NPHP4: variants seen among roughly 807,000 people sequenced by gnomAD.
NPHP4 encodes nephrocystin 4, also known as nephrocystin-4.
Under a neutral mutation model 155.8 loss-of-function variants are expected in NPHP4, and 151 were observed. The ratio of observed to expected loss-of-function variants is 0.97; its 90% CI spans 0.85 to 1.11. The LOEUF (loss-of-function observed/expected upper bound fraction) is 1.11, where lower values mean the gene tolerates loss of function less well. Among genes scored for constraint, NPHP4 ranks in the 50% least tolerant of loss-of-function variants. The pLI, the probability that NPHP4 is intolerant of heterozygous loss-of-function variation, is 0.00. For missense variants in NPHP4, 1,956 were observed against 1,925.7 expected (o/e 1.02, Z -0.29); for synonymous variants, 845 against 816.8 (o/e 1.03, Z -0.59).
At chr1:5,906,131 G>C (rs1030513185) in intron 13 of NPHP4, among the ~76,000 whole-genome samples, 1 of 152,216 alleles carries the variant, frequency 6.6e-6, no homozygotes, top group East Asian at 1.9e-4. Flanking sequence ...AGGACCGTGG[G>C]AGATACCTGA....
At chr1:5,917,842 G>C (rs1037620837) in intron 11 of NPHP4, among the ~76,000 whole-genome samples, 2 of 152,114 alleles carry the variant, frequency 1.3e-5, no homozygotes, top group Admixed American at 6.5e-5. Flanking sequence ...TAACCCGGGA[G>C]GGGGAGAAGT....
At position 5,969,181 on chromosome 1, in the gene NPHP4, C is replaced by A; in HGVS notation, c.358G>T (p.Asp120Tyr). The A allele has an allele frequency of 1.3e-6, 2 of 1,571,998 alleles. No individual in the cohort carries two copies. Among genetic ancestry groups the A allele is most frequent in the East Asian group, 4.7e-5 (2 of 42,640 alleles). ...VEVVAEGKKR[D>Y]GSLQTLSCGF... The stretch of plus-strand genomic sequence containing the variant: ...CAGGACAATGTCTGGAGGCTCCCAT[C>A]CCGTTTCTTGCCCTCAGCGACCACT... Residue 120 changes from aspartate to tyrosine, a missense_variant, in exon 4 of 30, where the codon GAT becomes TAT. Asp to Tyr is a radical substitution (Grantham distance 160). Transcript: ENST00000378156.
chr1:5,939,934 G>C (rs529298779), intron 9 of NPHP4, among the ~76,000 whole-genome samples: 1 of 152,312 alleles, frequency 6.6e-6, no homozygotes, highest in South Asian at 2.1e-4. Context: ...CACAGAAGGA[G>C]GGAAGAGGAC....
chr1:5,969,040 A>C (rs79417092), intron 4 of NPHP4, 47 bp downstream of exon 4: 3 of 1,303,160 alleles, frequency 2.3e-6, no homozygotes, highest in East Asian at 2.6e-5. Flanking sequence ...AAAAAAAAAA[A>C]AGACAGACGC....
In NPHP4 at chr1:5,986,278, C is replaced by A; in HGVS notation, c.12G>T (p.Trp4Cys). The A allele has an allele frequency of 6.2e-7, 1 of 1,613,666 alleles. No homozygotes were observed. The highest frequency in any genetic ancestry group is 8.5e-7 in the Non-Finnish European group (1 of 1,179,778). The change falls in exon 2 of 30, where the codon TGG (tryptophan) becomes TGT (cysteine). Residue 4 changes from tryptophan to cysteine, a missense_variant. Transcript: ENST00000378156. MND[W>C]HRIFTQNVLV... ...GCACGTTTTGGGTGAAGATCCTGTG[C>A]CAGTCGTTCATCCTGCCCGCCTGAG...
At chr1:5,948,370 G>C (rs1647246854) in intron 7 of NPHP4, 119 bp from the exon 8 acceptor site, 1 of 689,696 alleles carries the variant, frequency 1.4e-6, no homozygotes, top group Admixed American at 2.9e-5. Flanking sequence ...GATAACTGCA[G>C]ATCAGATGAT....
chr1:5,952,597 C>T (rs1477391309), intron 7 of NPHP4, 103 bp downstream of exon 7: 2 of 138,304 alleles, frequency 1.4e-5, no homozygotes, highest in Admixed American at 7.2e-5. Flanking sequence ...CACCCCTACC[C>T]TGCCCCACCC....
intron 6 of NPHP4, among the ~76,000 whole-genome samples, chr1:5,957,908 T>C (rs1194612739): frequency 1.3e-5 from 2 of 152,244 alleles, no homozygotes; most frequent in East Asian, 3.8e-4. Context: ...GGTCTGCCCT[T>C]ACCAAAATCC....
chr1:5,952,034 C>T (rs1299046651), intron 7 of NPHP4, among the ~76,000 whole-genome samples: 5 of 152,220 alleles, frequency 3.3e-5, no homozygotes, highest in African/African-American at 9.7e-5. Context: ...ATGGACAAGC[C>T]CTCCAGACGC....
chr1:5,865,528 G>A (rs907433012), intron 26 of NPHP4: 2 of 430,320 alleles, frequency 4.6e-6, no homozygotes. Flanking sequence ...GGCTCTCAGG[G>A]CGCAGCAGGG....
At chr1:5,864,681 C>T (rs1570036250) in intron 27 of NPHP4, 164 bp from the exon 28 acceptor site, 5 of 592,852 alleles carry the variant, frequency 8.4e-6, no homozygotes, top group Non-Finnish European at 1.2e-5. Context: ...ACTGTGGCCG[C>T]GACTTGGGTC....
intron 11 of NPHP4, among the ~76,000 whole-genome samples, chr1:5,913,631 C>T (rs1458463426): frequency 2.0e-5 from 3 of 152,218 alleles, no homozygotes; most frequent in African/African-American, 2.4e-5. Context: ...TCACTGCCAA[C>T]GTCTTCACAC....
chr1:5,904,099 G>A (rs1357048272), intron 16 of NPHP4, among the ~76,000 whole-genome samples: 2 of 152,146 alleles, frequency 1.3e-5, no homozygotes, highest in East Asian at 1.9e-4. Context: ...GTACAATGTG[G>A]CTTCTTCAAT....
At chr1:5,909,324 T>C (rs1176995798) in intron 11 of NPHP4, 111 bp from the exon 12 acceptor site, 7 of 835,160 alleles carry the variant, frequency 8.4e-6, no homozygotes, top group African/African-American at 5.1e-5. Context: ...CCACCTTGTC[T>C]GTAACAGGGG....
At chr1:5,958,736 A>G (rs1649717810) in intron 6 of NPHP4, among the ~76,000 whole-genome samples, 1 of 150,202 alleles carries the variant, frequency 6.7e-6, no homozygotes, top group Non-Finnish European at 1.5e-5. Context: ...GCACATGCCT[A>G]TAGTCCTTAC....
chr1:5,873,614 A>G, intron 22 of NPHP4: 1 of 530,418 alleles, frequency 1.9e-6, no homozygotes, highest in Non-Finnish European at 3.3e-6. Context: ...CCCAAGAGCC[A>G]GCATGGCATC....
intron 10 of NPHP4, among the ~76,000 whole-genome samples, chr1:5,928,680 G>A (rs1309303019): frequency 2.0e-5 from 3 of 152,152 alleles, no homozygotes; most frequent in South Asian, 2.1e-4. Context: ...CAGTGTAGCT[G>A]TACAGTAAGT....
chr1:5,977,525 CT>C (rs1305856701), intron 3 of NPHP4, among the ~76,000 whole-genome samples: 1 of 152,054 alleles, frequency 6.6e-6, no homozygotes, highest in East Asian at 2.0e-4. Flanking sequence ...TGCAATTACT[CT>C]GTTACCTGCT....
intron 13 of NPHP4, among the ~76,000 whole-genome samples, chr1:5,906,203 A>G (rs908902044): frequency 6.6e-6 from 1 of 152,234 alleles, no homozygotes; most frequent in Non-Finnish European, 1.5e-5. Flanking sequence ...AAGCTTCCTC[A>G]ATACTCCAAG....
Sources: gnomAD v4.1 joint callset for allele counts (sites outside exome capture counted in the v4.1 genomes callset) on GRCh38, gnomAD v4.1.1 for gene constraint, MANE v1.5 for transcripts, NCBI Gene and HGNC (gene_info 2026-07-23, HGNC 2026-07-21) for gene names.